SPTLC3: variants seen among roughly 807,000 people sequenced by gnomAD.
SPTLC3 encodes the protein serine palmitoyltransferase 3.
A neutral mutation model predicts 59.3 loss-of-function variants in SPTLC3; 36 were observed. The observed-to-expected ratio is 0.61, with a 90% CI of 0.47 to 0.80. The LOEUF (loss-of-function observed/expected upper bound fraction) is 0.80. SPTLC3 is among the 30% of genes least tolerant of loss of function. The pLI is 0.00. For synonymous variants in SPTLC3, 257 were observed against 240.8 expected (o/e 1.07, Z -0.62); for missense variants, 625 against 685.1 (o/e 0.91, Z 0.98).
intron 3 of SPTLC3, chr20:13,074,057 G>T (rs1259613620): frequency 7.7e-6 from 5 of 645,684 alleles, no homozygotes; most frequent in Non-Finnish European, 1.2e-5. Flanking sequence ...CCAAGTTGGA[G>T]GCCTGCTGTG....
chr20:13,085,786 A>C (rs532306555), intron 4 of SPTLC3, among the ~76,000 whole-genome samples: 1 of 152,308 alleles, frequency 6.6e-6, no homozygotes, highest in South Asian at 2.1e-4. Context: ...CTTTATCTTG[A>C]ATCTAATTTT....
intron 7 of SPTLC3, among the ~76,000 whole-genome samples, chr20:13,111,107 T>G (rs541788979): frequency 2.0e-5 from 3 of 152,262 alleles, no homozygotes; most frequent in African/African-American, 4.8e-5. Flanking sequence ...AAAATAATAA[T>G]AATAAGAAGC....
chr20:13,125,774 T>C lies in SPTLC3; in HGVS notation c.1153-817T>C, dbSNP rs191376931. On this transcript the variant is annotated intron_variant, in intron 8 of 11. Transcript: ENST00000399002. Reference sequence around the variant, plus strand: ...AGAGGACAAAAGCACTCAAGGCATTTTGAGGCATAGACCCAGAACCACCAC... The same window carrying C: ...AGAGGACAAAAGCACTCAAGGCATTCTGAGGCATAGACCCAGAACCACCAC... Among the ~76,000 whole-genome samples, 64 of 152,314 alleles carry C rather than the reference T, an allele frequency of 4.2e-4. 1 individual carries two copies. In the East Asian group the frequency reaches 9.8e-3, roughly 23 times the overall value.
At chr20:13,100,693 T>A (rs997870952) in intron 6 of SPTLC3, among the ~76,000 whole-genome samples, 1 of 152,238 alleles carries the variant, frequency 6.6e-6, no homozygotes, top group Non-Finnish European at 1.5e-5. Context: ...TTATTCAGCT[T>A]TCACTGGTAT....
intron 4 of SPTLC3, among the ~76,000 whole-genome samples, chr20:13,074,949 G>A (rs940238328): frequency 2.0e-4 from 30 of 152,148 alleles, no homozygotes; most frequent in African/African-American, 6.5e-4. Context: ...TGAAGCAGAC[G>A]AGCAGCCTGC....
chr20:13,025,154 TAAC>T (rs2122404766), intron 1 of SPTLC3, among the ~76,000 whole-genome samples: 1 of 152,306 alleles, frequency 6.6e-6, no homozygotes, highest in South Asian at 2.1e-4. Flanking sequence ...ATACAGGTAA[TAAC>T]TGCTACCATA....
At chr20:13,018,171 C>G (rs897101057) in intron 1 of SPTLC3, among the ~76,000 whole-genome samples, 1 of 152,116 alleles carries the variant, frequency 6.6e-6, no homozygotes, top group South Asian at 2.1e-4. Flanking sequence ...AATTCTTGAG[C>G]AAATAAATAA....
intron 2 of SPTLC3, among the ~76,000 whole-genome samples, chr20:13,054,501 T>C (rs1021038046): frequency 3.9e-5 from 6 of 151,918 alleles, no homozygotes; most frequent in African/African-American, 1.5e-4. Flanking sequence ...GTAGTGACAA[T>C]AGGGTTGGTG....
chr20:13,078,286 A>G (rs1457062114), intron 4 of SPTLC3, among the ~76,000 whole-genome samples: 1 of 150,274 alleles, frequency 6.7e-6, no homozygotes, highest in Non-Finnish European at 1.5e-5. Flanking sequence ...ACAGAATAAC[A>G]TAATCAAGTA....
At chr20:13,117,484 A>T (rs1568610393) in intron 7 of SPTLC3, 22 bp from the exon 8 acceptor site, 1 of 1,552,840 alleles carries the variant, frequency 6.4e-7, no homozygotes, top group Non-Finnish European at 8.7e-7. Flanking sequence ...GTTAGTTATG[A>T]GCATTTCTCC....
chr20:13,090,281 T>G (rs1246728373), intron 4 of SPTLC3, among the ~76,000 whole-genome samples: 3 of 152,224 alleles, frequency 2.0e-5, no homozygotes, highest in Non-Finnish European at 4.4e-5. Flanking sequence ...TAAGCCTCAG[T>G]TTTCTTATCT....
chr20:13,084,045 G>T (rs1299368837), intron 4 of SPTLC3, among the ~76,000 whole-genome samples: 2 of 152,184 alleles, frequency 1.3e-5, no homozygotes, highest in Non-Finnish European at 2.9e-5. Flanking sequence ...GTTGACCCCA[G>T]TCTTGATCAA....
rs1374999706 is a variant in SPTLC3 at position 13,149,263 on chromosome 20, G to C, written c.1280-4740G>C. Among the ~76,000 whole-genome samples, 4 of 152,218 alleles carry C rather than the reference G, an allele frequency of 2.6e-5. No individual in the cohort carries two copies. In the East Asian group the frequency reaches 7.7e-4, roughly 29 times the overall value. ...TTGGAGACTCTGAGTGTCTTGAAGGGGATGTGGCCGCAGTGCCCAATCTCC... is the reference window on the plus strand; with the variant it reads ...TTGGAGACTCTGAGTGTCTTGAAGGCGATGTGGCCGCAGTGCCCAATCTCC... On this transcript the variant is annotated intron_variant, in intron 9 of 11. Transcript: ENST00000399002.
intron 9 of SPTLC3, among the ~76,000 whole-genome samples, chr20:13,149,842 A>G (rs1377304402): frequency 1.3e-5 from 2 of 152,232 alleles, no homozygotes; most frequent in African/African-American, 4.8e-5. Flanking sequence ...GTAGCTAGGC[A>G]GCCAATGATA....
chr20:13,063,699 G>A (rs908524841), intron 2 of SPTLC3, among the ~76,000 whole-genome samples: 14 of 150,356 alleles, frequency 9.3e-5, no homozygotes, highest in African/African-American at 3.4e-4. Context: ...TGTCTCCCAG[G>A]CTGGAGTGCA....
chr20:13,160,549 A>C (rs1278864759), intron 11 of SPTLC3, among the ~76,000 whole-genome samples: 3 of 152,244 alleles, frequency 2.0e-5, no homozygotes, highest in African/African-American at 7.2e-5. Flanking sequence ...CAACAAGAAC[A>C]AATCTACATT....
chr20:13,074,308 T>G (rs767429022), intron 3 of SPTLC3, 41 bp from the exon 4 acceptor site: 2 of 1,607,256 alleles, frequency 1.2e-6, no homozygotes, highest in Non-Finnish European at 1.7e-6. Flanking sequence ...TGCATAATCC[T>G]GGGGAGGGGA....
intron 9 of SPTLC3, among the ~76,000 whole-genome samples, chr20:13,128,976 A>G (rs778258264): frequency 6.6e-6 from 1 of 151,080 alleles, no homozygotes; most frequent in Non-Finnish European, 1.5e-5. Context: ...TCCTGGGTTC[A>G]AGCAATACTC....
chr20:13,066,981 G>T (rs1988237351), intron 2 of SPTLC3, among the ~76,000 whole-genome samples: 1 of 116,434 alleles, frequency 8.6e-6, no homozygotes, highest in Non-Finnish European at 1.8e-5. Flanking sequence ...ATTATTTTTT[G>T]AACTGTTTAT....
Sources: allele counts gnomAD v4.1 joint callset (sites outside exome capture counted in the v4.1 genomes callset), GRCh38; gene constraint gnomAD v4.1.1; transcripts MANE v1.5; gene names NCBI Gene and HGNC (gene_info 2026-07-23, HGNC 2026-07-21).